The following RP1 variants were observed in gnomAD, a reference collection of about 807,000 sequenced individuals.
RP1 encodes RP1 axonemal microtubule associated.
In RP1, 16 loss-of-function variants were observed where a neutral mutation model predicts 14.8. The ratio of observed to expected loss-of-function variants is 1.08; its 90% CI spans 0.73 to 1.65. The LOEUF (loss-of-function observed/expected upper bound fraction) is 1.65, where lower values mean the gene tolerates loss of function less well. RP1 is among the 40% of genes most tolerant of loss of function. The pLI, the probability that RP1 is intolerant of heterozygous loss-of-function variation, is 0.00. For synonymous variants in RP1, 876 were observed against 883.6 expected (o/e 0.99, Z 0.15); for missense variants, 2,631 against 2,535.0 (o/e 1.04, Z -0.81).
chr8:54,622,236 G>GA lies in RP1; in HGVS notation c.736dup (p.Ile246AsnfsTer36). ...ACTTGCTTCCTGCTAGATTACCAGG[G>GA]ATCTCTCAGCGTGTGTACCCCAAGG... On this transcript the variant is annotated frameshift_variant, in exon 3 of 4. Transcript: ENST00000220676. LOFTEE classifies it high-confidence loss of function. The GA allele has an allele frequency of 6.2e-7, 1 of 1,614,094 alleles. No homozygotes were observed. Among genetic ancestry groups the GA allele is most frequent in the Non-Finnish European group, 8.5e-7 (1 of 1,180,008 alleles).
intron 17 of RP1, among the ~76,000 whole-genome samples, chr8:54,727,573 G>A (rs185145389): frequency 4.9e-4 from 74 of 152,116 alleles, no homozygotes; most frequent in African/African-American, 1.7e-3. Context: ...TTACCATTAT[G>A]AAATTTTTAA....
intron 19 of RP1, among the ~76,000 whole-genome samples, chr8:54,747,570 A>G (rs1445239506): frequency 1.3e-5 from 2 of 152,248 alleles, no homozygotes; most frequent in Admixed American, 6.5e-5. Flanking sequence ...GAATGAATAA[A>G]TAAAACACAT....
chr8:54,688,071 A>G (rs1054540370), intron 12 of RP1, among the ~76,000 whole-genome samples: 1 of 152,190 alleles, frequency 6.6e-6, no homozygotes, highest in Non-Finnish European at 1.5e-5. Context: ...AGTGATGATT[A>G]GCTTTTTTTC....
At chr8:54,580,530 C>T (rs935889400) in intron 1 of RP1, among the ~76,000 whole-genome samples, 3 of 151,334 alleles carry the variant, frequency 2.0e-5, no homozygotes, top group Non-Finnish European at 2.9e-5. Flanking sequence ...TGGTCTCAAT[C>T]TCTTGACCTC....
chr8:54,819,213 CT>C (rs1299110923), intron 24 of RP1, among the ~76,000 whole-genome samples: 1 of 151,748 alleles, frequency 6.6e-6, no homozygotes, highest in African/African-American at 2.4e-5. Context: ...CTCACTAATT[CT>C]TTCTTCTGCT....
chr8:54,581,856 T>C (rs1563317635), intron 1 of RP1, among the ~76,000 whole-genome samples: 1 of 152,218 alleles, frequency 6.6e-6, no homozygotes, highest in African/African-American at 2.4e-5. Context: ...TGGGGTTGTT[T>C]TTTTCTTGTA....
At position 54,636,605 on chromosome 8, in the gene RP1, G is replaced by A. The variant is rs186880367; in HGVS notation, c.788-12380G>A. On this transcript the variant is annotated intron_variant, in intron 3 of 22. Transcript: ENST00000636932. ...ATATAAAAATTAGCTGGGCCTGGTC[G>A]TGGGCGCCTGTAATCCTAGCTACTC... Among the ~76,000 whole-genome samples, 363 of 152,224 alleles carry A rather than the reference G, an allele frequency of 2.4e-3. 6 individuals are homozygous for A. Among genetic ancestry groups the A allele is most frequent in the Admixed American group, 0.021 (316 of 15,302 alleles).
At chr8:54,735,384 C>T (rs974100845) in intron 18 of RP1, among the ~76,000 whole-genome samples, 1 of 152,124 alleles carries the variant, frequency 6.6e-6, no homozygotes, top group Admixed American at 6.6e-5. Context: ...AATTACATTC[C>T]ACTTCACTAA....
At chr8:54,646,571 C>G (rs1348281562) in intron 3 of RP1, among the ~76,000 whole-genome samples, 2 of 152,110 alleles carry the variant, frequency 1.3e-5, no homozygotes, top group Non-Finnish European at 2.9e-5. Flanking sequence ...AAGTTATAAA[C>G]TGAAAGATGA....
At chr8:54,655,992 C>G in intron 5 of RP1, 1 of 817,274 alleles carries the variant, frequency 1.2e-6, no homozygotes, top group Non-Finnish European at 1.8e-6. Context: ...AAATAATTCT[C>G]TGAGCTAAGT....
chr8:54,736,185 C>G (rs930995788), intron 18 of RP1, among the ~76,000 whole-genome samples: 11 of 152,278 alleles, frequency 7.2e-5, no homozygotes, highest in Admixed American at 2.0e-4. Flanking sequence ...CTTGAATATG[C>G]CACTTAATTT....
intron 24 of RP1, among the ~76,000 whole-genome samples, chr8:54,821,594 A>C (rs1479619875): frequency 3.3e-5 from 5 of 152,238 alleles, no homozygotes; most frequent in Non-Finnish European, 7.3e-5. Context: ...TTGGTTGTGA[A>C]GATGAAACTA....
chr8:54,746,477 A>T (rs1209780428), intron 19 of RP1, among the ~76,000 whole-genome samples: 1 of 152,216 alleles, frequency 6.6e-6, no homozygotes, highest in African/African-American at 2.4e-5. Context: ...ACACTGTTGT[A>T]GAATATTAAT....
intron 19 of RP1, among the ~76,000 whole-genome samples, chr8:54,752,929 A>T (rs1350367869): frequency 1.3e-5 from 2 of 152,218 alleles, no homozygotes; most frequent in Non-Finnish European, 1.5e-5. Flanking sequence ...TTTAATATTA[A>T]TGTATGTATA....
intron 23 of RP1, among the ~76,000 whole-genome samples, chr8:54,775,634 A>AG (rs1810017309): frequency 1.3e-5 from 2 of 152,320 alleles, no homozygotes; most frequent in African/African-American, 4.8e-5. Flanking sequence ...TGTGGAGCAG[A>AG]GATAATCCTT....
At chr8:54,720,909 A>G (rs970458701) in intron 16 of RP1, among the ~76,000 whole-genome samples, 53 of 152,220 alleles carry the variant, frequency 3.5e-4, no homozygotes, top group Non-Finnish European at 2.4e-4. Flanking sequence ...AGGCTAGTAA[A>G]GTAACTCTAT....
intron 22 of RP1, among the ~76,000 whole-genome samples, chr8:54,759,267 A>G (rs1809582826): frequency 6.6e-6 from 1 of 151,998 alleles, no homozygotes; most frequent in Non-Finnish European, 1.5e-5. Flanking sequence ...TAGACATTGT[A>G]AGGAAGACTT....
At chr8:54,716,001 A>G (rs1227176825) in intron 15 of RP1, among the ~76,000 whole-genome samples, 1 of 152,234 alleles carries the variant, frequency 6.6e-6, no homozygotes, top group Non-Finnish European at 1.5e-5. Flanking sequence ...CAATTCCTTG[A>G]GATCTTTAAT....
At chr8:54,717,579 A>G (rs1252722956) in intron 15 of RP1, among the ~76,000 whole-genome samples, 1 of 152,142 alleles carries the variant, frequency 6.6e-6, no homozygotes, top group East Asian at 1.9e-4. Flanking sequence ...TCAGTAAACT[A>G]TGAATAGATG....
Sources: gnomAD v4.1 joint callset for allele counts (sites outside exome capture counted in the v4.1 genomes callset) on GRCh38, gnomAD v4.1.1 for gene constraint, MANE v1.5 for transcripts, NCBI Gene and HGNC (gene_info 2026-07-23, HGNC 2026-07-21) for gene names.